Variants in JPH3 observed in about 807,000 individuals in gnomAD.
JPH3 encodes the protein junctophilin 3.
A neutral mutation model predicts 59.6 loss-of-function variants in JPH3; 11 were observed. The ratio of observed to expected loss-of-function variants is 0.18; its 90% CI spans 0.12 to 0.31. The LOEUF (loss-of-function observed/expected upper bound fraction) is 0.31, where lower values mean the gene tolerates loss of function less well. Among genes scored for constraint, JPH3 ranks in the 10% least tolerant of loss-of-function variants. The pLI is 1.00. For missense variants in JPH3, 1,202 were observed against 1,105.7 expected (o/e 1.09, Z -1.24); for synonymous variants, 673 against 483.6 (o/e 1.39, Z -5.14).
intron 2 of JPH3, among the ~76,000 whole-genome samples, chr16:87,672,316 C>G (rs922043870): frequency 2.0e-5 from 3 of 152,206 alleles, no homozygotes; most frequent in Non-Finnish European, 4.4e-5. Flanking sequence ...CTCCCAGAAA[C>G]AAGATGGTCC....
chr16:87,689,595 G>A lies in JPH3; in HGVS notation c.1286-51G>A, dbSNP rs377235264. The A allele has an allele frequency of 5.0e-6, 8 of 1,586,542 alleles. No homozygotes were observed. The Admixed American group carries it at 7.0e-5, about 14-fold the overall frequency. ...CTGGCCCGGGGACCGCGGCCTCGCT[G>A]TGGAATGTGCTGGGTAACGCCGTCT... is the stretch of plus-strand genomic sequence containing the variant. On this transcript the variant is annotated intron_variant, in intron 3 of 4. Transcript: ENST00000284262.
At chr16:87,670,016 C>T (rs1054478242) in intron 2 of JPH3, among the ~76,000 whole-genome samples, 1 of 152,152 alleles carries the variant, frequency 6.6e-6, no homozygotes, top group Non-Finnish European at 1.5e-5. Flanking sequence ...GCTGTGGGAG[C>T]TCTGCCTTCA....
At chr16:87,642,502 A>C (rs2031987316) in intron 1 of JPH3, among the ~76,000 whole-genome samples, 2 of 152,216 alleles carry the variant, frequency 1.3e-5, no homozygotes, top group Admixed American at 1.3e-4. Context: ...GTTTTATGAA[A>C]ACAGCGGTGG....
intron 1 of JPH3, among the ~76,000 whole-genome samples, chr16:87,641,620 G>C (rs2031955541): frequency 6.6e-6 from 1 of 152,230 alleles, no homozygotes. Context: ...CCCAGCTCAG[G>C]CTCTGCTCCT....
At chr16:87,608,790 A>T (rs1233101103) in intron 1 of JPH3, among the ~76,000 whole-genome samples, 1 of 152,156 alleles carries the variant, frequency 6.6e-6, no homozygotes, top group East Asian at 1.9e-4. Context: ...CGATCCCAAC[A>T]CTTTGGGAGG....
Position 87,696,683 on chromosome 16 carries a change from TAG to T in JPH3, c.*27_*28del, listed in dbSNP as rs779258672. On this transcript the variant is annotated 3_prime_UTR_variant, in exon 5 of 5. Transcript: ENST00000284262. Reference sequence around the variant, plus strand: ...TGATGAGATGTCGCGGTAGCAAAAATAGAGAAAGGGTAGAAAAAAGGGACATT... The same window carrying T: ...TGATGAGATGTCGCGGTAGCAAAAATAGAAAGGGTAGAAAAAAGGGACATT... 6.9e-6 allele frequency: 11 copies of T among 1,585,994 alleles called. No individual in the cohort carries two copies. Among genetic ancestry groups the T allele is most frequent in the Non-Finnish European group, 9.5e-6 (11 of 1,155,550 alleles).
intron 4 of JPH3, among the ~76,000 whole-genome samples, chr16:87,691,115 C>T (rs2033561739): frequency 1.3e-5 from 2 of 148,580 alleles, no homozygotes; most frequent in African/African-American, 2.5e-5. Context: ...TCCTCCAGGG[C>T]AGGCAGCTTG....
chr16:87,645,617 G>A (rs1044466062), intron 2 of JPH3, among the ~76,000 whole-genome samples: 5 of 152,214 alleles, frequency 3.3e-5, no homozygotes, highest in African/African-American at 7.2e-5. Context: ...CATGACTTAC[G>A]GAATTTGGGG....
chr16:87,673,001 C>T (rs2033055242), intron 2 of JPH3, among the ~76,000 whole-genome samples: 1 of 152,008 alleles, frequency 6.6e-6, no homozygotes, highest in South Asian at 2.1e-4. Context: ...AAAAAATTAC[C>T]TTTGCGTGGT....
At chr16:87,616,142 C>T (rs1021144872) in intron 1 of JPH3, among the ~76,000 whole-genome samples, 6 of 150,654 alleles carry the variant, frequency 4.0e-5, no homozygotes, top group Non-Finnish European at 8.8e-5. Flanking sequence ...CTCCAGGGCC[C>T]GGGAACGACA....
intron 1 of JPH3, 121 bp downstream of exon 1, chr16:87,603,649 C>T: frequency 4.8e-6 from 6 of 1,252,950 alleles, no homozygotes; most frequent in South Asian, 4.6e-5. Context: ...CACCAGGGGC[C>T]TTTCCCGGGC....
At chr16:87,604,507 C>A in intron 1 of JPH3, 1 of 1,307,668 alleles carries the variant, frequency 7.6e-7, no homozygotes, top group South Asian at 1.4e-5. Context: ...AGCTTATCCT[C>A]AGAGGCACTG....
intron 2 of JPH3, among the ~76,000 whole-genome samples, chr16:87,649,734 G>A (rs139708539): frequency 1.8e-4 from 28 of 152,208 alleles, no homozygotes; most frequent in Admixed American, 4.6e-4. Context: ...TCTCCTTCCC[G>A]TCCCCCTCCC....
At position 87,690,393 on chromosome 16, in the gene JPH3, T is replaced by G; in HGVS notation, c.2033T>G (p.Leu678Arg). 6.6e-7 allele frequency: 1 copy of G among 1,517,606 alleles called. No individual in the cohort carries two copies. The highest frequency in any genetic ancestry group is 8.8e-7 in the Non-Finnish European group (1 of 1,135,210). 94.0% of individuals were successfully genotyped at this position (1,517,606 alleles called of 1,614,324 possible). Residue 678 changes from leucine (L) to arginine (R), a missense_variant, in exon 4 of 5, where the codon CTG becomes CGG. Transcript: ENST00000284262. ...TCCGCGGAGCCCGCCGTGCAGAAAC[T>G]GGCGAGCCTGCGGCTGGGCGGGGCC... Reference protein sequence around the residue: ...ASSAEPAVQKLASLRLGGAEP... With the variant: ...ASSAEPAVQKRASLRLGGAEP...
At chr16:87,660,291 C>A (rs58300014) in intron 2 of JPH3, among the ~76,000 whole-genome samples, 6,457 of 152,186 alleles carry the variant, frequency 0.042, 448 homozygotes, top group African/African-American at 0.14. Flanking sequence ...AGAGCAGATG[C>A]TTTGAAACTG....
intron 3 of JPH3, among the ~76,000 whole-genome samples, chr16:87,688,979 G>A (rs1287286745): frequency 6.6e-6 from 1 of 152,162 alleles, no homozygotes; most frequent in African/African-American, 2.4e-5. Context: ...CTCCGGGTGG[G>A]GGCTGATGGG....
At chr16:87,680,474 G>A (rs926978181) in intron 2 of JPH3, among the ~76,000 whole-genome samples, 1 of 152,252 alleles carries the variant, frequency 6.6e-6, no homozygotes, top group African/African-American at 2.4e-5. Flanking sequence ...AGAGCGGCTT[G>A]TGGGAGCCTC....
intron 2 of JPH3, among the ~76,000 whole-genome samples, chr16:87,662,694 C>T (rs2032743686): frequency 6.6e-6 from 1 of 151,972 alleles, no homozygotes; most frequent in African/African-American, 2.4e-5. Context: ...GCATACCTGC[C>T]TTGGGGGCTT....
At chr16:87,630,135 A>G (rs1278024208) in intron 1 of JPH3, among the ~76,000 whole-genome samples, 2 of 152,190 alleles carry the variant, frequency 1.3e-5, no homozygotes, top group Non-Finnish European at 2.9e-5. Context: ...CCCACAGCAC[A>G]GATTGGTGGA....
Sources: allele counts gnomAD v4.1 joint callset (sites outside exome capture counted in the v4.1 genomes callset), GRCh38; gene constraint gnomAD v4.1.1; transcripts MANE v1.5; gene names NCBI Gene and HGNC (gene_info 2026-07-23, HGNC 2026-07-21).